STAG1: variants seen among roughly 807,000 people sequenced by gnomAD.
The protein encoded by STAG1 is cohesin subunit SA-1.
A neutral mutation model predicts 170.9 loss-of-function variants in STAG1; 26 were observed. That is an observed-to-expected ratio of 0.15 (90% CI 0.11 to 0.21). STAG1 has a LOEUF of 0.21. Ranked by LOEUF, STAG1 falls within the 10% of genes least tolerant of loss-of-function variation. The pLI is 1.00. For synonymous variants in STAG1, 514 were observed against 497.7 expected (o/e 1.03, Z -0.44); for missense variants, 964 against 1,509.5 (o/e 0.64, Z 5.99).
At chr3:136,492,001 CAAAACAAA>C (rs2090133749) in intron 9 of STAG1, among the ~76,000 whole-genome samples, 1 of 152,022 alleles carries the variant, frequency 6.6e-6, no homozygotes, top group Non-Finnish European at 1.5e-5. Flanking sequence ...AAAAACAAAA[CAAAACAAA>C]AAAACAAAAA....
chr3:136,603,422 T>TC (rs1938773359), intron 4 of STAG1, among the ~76,000 whole-genome samples: 1 of 65,958 alleles, frequency 1.5e-5, no homozygotes, highest in Non-Finnish European at 3.4e-5. Context: ...CATTTTAAAA[T>TC]GTTAAAAATG....
chr3:136,695,037 A>T (rs1942843304), intron 1 of STAG1, among the ~76,000 whole-genome samples: 1 of 152,184 alleles, frequency 6.6e-6, no homozygotes, highest in Non-Finnish European at 1.5e-5. Context: ...CCGACTCTTA[A>T]ATGCATTTGG....
chr3:136,372,829 C>T (rs1311233076), intron 23 of STAG1, among the ~76,000 whole-genome samples: 1 of 152,144 alleles, frequency 6.6e-6, no homozygotes, highest in East Asian at 1.9e-4. Flanking sequence ...TGTGTCTCCG[C>T]CAGGCTTTGG....
At chr3:136,634,224 C>T (rs1268076222) in intron 1 of STAG1, among the ~76,000 whole-genome samples, 1 of 151,866 alleles carries the variant, frequency 6.6e-6, no homozygotes, top group Non-Finnish European at 1.5e-5. Flanking sequence ...TGGTGGCACA[C>T]ACCTGTGGTT....
chr3:136,650,603 A>C (rs1417503043), intron 1 of STAG1, among the ~76,000 whole-genome samples: 5 of 152,232 alleles, frequency 3.3e-5, no homozygotes, highest in African/African-American at 1.2e-4. Flanking sequence ...AAAGGCCTTC[A>C]ATGTTAGTCC....
chr3:136,553,689 G>T (rs879476138), intron 5 of STAG1, among the ~76,000 whole-genome samples: 1 of 152,214 alleles, frequency 6.6e-6, no homozygotes. Context: ...CAGGGGAATC[G>T]CTTGAACCCA....
chr3:136,433,053 G>C (rs1360606921), intron 16 of STAG1, among the ~76,000 whole-genome samples: 2 of 151,688 alleles, frequency 1.3e-5, no homozygotes, highest in African/African-American at 4.8e-5. Context: ...TTTTATACTT[G>C]CTTTTTGCAG....
intron 1 of STAG1, among the ~76,000 whole-genome samples, chr3:136,634,116 C>T (rs1940451331): frequency 1.3e-5 from 2 of 150,838 alleles, no homozygotes; most frequent in African/African-American, 2.4e-5. Flanking sequence ...ACTCCAGTCT[C>T]GGTGACAGAG....
At chr3:136,470,127 T>C (rs557909920) in intron 12 of STAG1, among the ~76,000 whole-genome samples, 1 of 152,226 alleles carries the variant, frequency 6.6e-6, no homozygotes, top group East Asian at 1.9e-4. Flanking sequence ...AAGCCAAAAC[T>C]GACAAATGGG....
At chr3:136,360,899 A>C (rs950555768) in intron 26 of STAG1, among the ~76,000 whole-genome samples, 5 of 152,020 alleles carry the variant, frequency 3.3e-5, no homozygotes, top group Admixed American at 6.6e-5. Context: ...CGATCTCCTG[A>C]TCTTGTGATC....
chr3:136,723,820 C>T (rs1314835548), intron 1 of STAG1, among the ~76,000 whole-genome samples: 4 of 142,408 alleles, frequency 2.8e-5, no homozygotes, highest in East Asian at 2.2e-4. Flanking sequence ...CCGCCCCGTC[C>T]GGGAGGGAGG....
intron 5 of STAG1, among the ~76,000 whole-genome samples, chr3:136,551,208 TGAGAGAGA>T (rs57609965): frequency 0.043 from 1,900 of 44,344 alleles, 35 homozygotes; most frequent in South Asian, 0.089. Flanking sequence ...TGAGAGAGAG[TGAGAGAGA>T]GAGAGAGAGA....
intron 12 of STAG1, among the ~76,000 whole-genome samples, chr3:136,469,466 T>C (rs904951139): frequency 5.3e-5 from 8 of 152,168 alleles, no homozygotes; most frequent in Non-Finnish European, 1.2e-4. Flanking sequence ...TACAAACCAC[T>C]GCTCAATGAA....
chr3:136,363,747 G>A (rs1036992790), intron 25 of STAG1, among the ~76,000 whole-genome samples: 2 of 152,140 alleles, frequency 1.3e-5, no homozygotes, highest in Admixed American at 6.6e-5. Context: ...GAGAGGTGGT[G>A]AGAAAAATTC....
chr3:136,580,491 C>A (rs569094261), intron 4 of STAG1, among the ~76,000 whole-genome samples: 1 of 148,006 alleles, frequency 6.8e-6, no homozygotes, highest in South Asian at 2.2e-4. Context: ...AAATCATTTG[C>A]TCTGAGTTTG....
rs942385531 is a variant in STAG1 at position 136,449,392 on chromosome 3, C to T, written c.1428+2641G>A. ...CCAGACTAACATGGTGAAACCCTGT[C>T]TCTACTAAAAATACAAAAATTAGCC... On this transcript the variant is annotated intron_variant, in intron 14 of 33. Coordinates refer to ENST00000383202, the MANE Select transcript of STAG1 (RefSeq NM_005862.3). Among the ~76,000 whole-genome samples, 7 of 152,056 alleles carry T rather than the reference C, an allele frequency of 4.6e-5. 1 individual carries two copies. The highest frequency in any genetic ancestry group is 2.0e-4 in the Admixed American group (3 of 15,256).
intron 9 of STAG1, among the ~76,000 whole-genome samples, chr3:136,497,274 T>G (rs951912238): frequency 1.3e-5 from 2 of 152,084 alleles, no homozygotes; most frequent in Non-Finnish European, 2.9e-5. Flanking sequence ...TAGACAGTGA[T>G]ATTCATTAAA....
intron 22 of STAG1, among the ~76,000 whole-genome samples, chr3:136,382,251 A>G (rs1276009683): frequency 6.6e-6 from 1 of 152,194 alleles, no homozygotes; most frequent in Non-Finnish European, 1.5e-5. Flanking sequence ...GGCTGAACAC[A>G]AAGCAAATGT....
At chr3:136,490,936 G>T (rs2090114059) in intron 9 of STAG1, among the ~76,000 whole-genome samples, 1 of 151,804 alleles carries the variant, frequency 6.6e-6, no homozygotes, top group African/African-American at 2.4e-5. Context: ...CAATCTTTCT[G>T]GTTGCTTTTA....
Sources: gnomAD v4.1 joint callset for allele counts (sites outside exome capture counted in the v4.1 genomes callset) on GRCh38, gnomAD v4.1.1 for gene constraint, MANE v1.5 for transcripts, NCBI Gene and HGNC (gene_info 2026-07-23, HGNC 2026-07-21) for gene names.